The following DIXDC1 variants were observed in gnomAD, a reference collection of about 807,000 sequenced individuals.
The protein encoded by DIXDC1 is DIX domain containing 1.
DIXDC1 carries 64 observed loss-of-function variants against 103.1 expected under a neutral mutation model. The observed-to-expected ratio is 0.62, with a 90% CI of 0.51 to 0.76. DIXDC1 has a LOEUF of 0.76. DIXDC1 is among the 30% of genes least tolerant of loss of function. The probability of loss-of-function intolerance (pLI) is 0.00; values close to 1 mark genes in which losing one functional copy is unlikely to be tolerated. For missense variants in DIXDC1, 759 were observed against 834.2 expected, an observed-to-expected ratio of 0.91 and a Z score of 1.11; for synonymous variants, 266 against 298.5, an observed-to-expected ratio of 0.89 and a Z score of 1.12.
chr11:111,945,826 T>A (rs1318243800), intron 1 of DIXDC1: 2 of 152,396 alleles, frequency 1.3e-5, no homozygotes, highest in Non-Finnish European at 2.9e-5. Flanking sequence ...TGGAGTGCAG[T>A]GGCACGATCT....
At chr11:111,959,502 C>A (rs587768536) in intron 1 of DIXDC1, among the ~76,000 whole-genome samples, 1 of 152,174 alleles carries the variant, frequency 6.6e-6, no homozygotes, top group Non-Finnish European at 1.5e-5. Context: ...GTGGCTGGAC[C>A]CCATGTTCAC....
At chr11:111,974,334 G>A in intron 4 of DIXDC1, 80 bp downstream of exon 4, 1 of 1,367,630 alleles carries the variant, frequency 7.3e-7, no homozygotes, top group South Asian at 1.4e-5. Flanking sequence ...GCAGTAGATA[G>A]AAACGTCACC....
chr11:112,018,781 G>A (rs1555178068), intron 19 of DIXDC1, among the ~76,000 whole-genome samples, 175 bp from the exon 20 acceptor site: 1 of 152,100 alleles, frequency 6.6e-6, no homozygotes, highest in Non-Finnish European at 1.5e-5. Context: ...CATAGATGTG[G>A]ATCTAAGAAA....
intron 16 of DIXDC1, 89 bp from the exon 17 acceptor site, chr11:111,995,991 A>G: frequency 9.0e-7 from 1 of 1,114,224 alleles, no homozygotes; most frequent in Non-Finnish European, 1.3e-6. Flanking sequence ...AAAAGTATGT[A>G]GTATTTTAAG....
At chr11:111,962,371 A>C (rs1859608945) in intron 1 of DIXDC1, among the ~76,000 whole-genome samples, 1 of 152,080 alleles carries the variant, frequency 6.6e-6, no homozygotes, top group African/African-American at 2.4e-5. Flanking sequence ...AGTCCCAGCT[A>C]CTTGGGAGGC....
In DIXDC1 at chr11:112,020,063, T is replaced by C. The variant is rs1218317862; in HGVS notation, c.*1027T>C. On this transcript the variant is annotated 3_prime_UTR_variant, in exon 20 of 20. Transcript: ENST00000440460. Reference sequence around the variant, plus strand: ...TATGTATTAGTCTAGGCTGATCTTTTAGGGCACAATAGAAACCATGGGGCG... The same window carrying C: ...TATGTATTAGTCTAGGCTGATCTTTCAGGGCACAATAGAAACCATGGGGCG... 1.3e-5 allele frequency: 2 copies of C among 152,182 alleles called. No individual in the cohort carries two copies. Among genetic ancestry groups the C allele is most frequent in the African/African-American group, 4.8e-5 (2 of 41,440 alleles). 9.4% of individuals were successfully genotyped at this position (152,182 alleles called of 1,614,324 possible).
rs940794400 is a variant in DIXDC1, at chr11:111,998,222, C to T, written c.1756+2076C>T. 2.6e-5 allele frequency among the ~76,000 whole-genome samples: 4 copies of T among 152,220 alleles called. No individual in the cohort carries two copies. Among genetic ancestry groups the T allele is most frequent in the African/African-American group, 9.7e-5 (4 of 41,436 alleles). On this transcript the variant is annotated intron_variant, in intron 17 of 19. Coordinates refer to ENST00000440460, the MANE Select transcript of DIXDC1 (RefSeq NM_001037954.4). The surrounding 1 kb of genome is among the most constrained non-coding windows in gnomAD (Gnocchi z 4.1). ...ATATTCATTTAACATATTTACTAAG[C>T]ATCCATTATTCACCATCAATGTTAG... is the stretch of plus-strand genomic sequence containing the variant.
intron 16 of DIXDC1, 134 bp from the exon 17 acceptor site, chr11:111,995,946 A>T: frequency 1.3e-6 from 1 of 791,306 alleles, no homozygotes; most frequent in South Asian, 1.6e-5. Context: ...TAGGATAAAT[A>T]TATTAGATTT....
intron 1 of DIXDC1, chr11:111,929,725 G>T: frequency 1.4e-6 from 1 of 703,918 alleles, no homozygotes; most frequent in Non-Finnish European, 2.3e-6. Flanking sequence ...GTAGGTTTTG[G>T]GGAGGGGTCT....
At chr11:111,934,178 A>C (rs587677944), upstream of DIXDC1, among the ~76,000 whole-genome samples, 476 of 152,246 alleles carry the variant, frequency 3.1e-3, no homozygotes, top group African/African-American at 0.01. Flanking sequence ...CTCTTTCTTT[A>C]TATGTAAAAA....
At chr11:111,994,865 A>G (rs1860836721) in intron 14 of DIXDC1, among the ~76,000 whole-genome samples, 154 bp from the exon 15 acceptor site, 2 of 152,196 alleles carry the variant, frequency 1.3e-5, no homozygotes, top group Non-Finnish European at 2.9e-5. Flanking sequence ...AAAAAAATCT[A>G]TACTTAAGAA....
At chr11:111,986,765 C>T (rs191596801) in intron 8 of DIXDC1, 106 bp from the exon 9 acceptor site, 5 of 900,698 alleles carry the variant, frequency 5.6e-6, no homozygotes, top group African/African-American at 5.0e-5. Context: ...TTTGTATCCA[C>T]AGTACAGAGC....
chr11:111,928,678 G>C (rs920438001), intron 1 of DIXDC1, among the ~76,000 whole-genome samples: 2 of 152,114 alleles, frequency 1.3e-5, no homozygotes, highest in East Asian at 3.9e-4. Context: ...CAGGAGAATC[G>C]CTTGAACCCG....
At chr11:111,969,641 A>G (rs1555171888) in intron 3 of DIXDC1, among the ~76,000 whole-genome samples, 1 of 152,106 alleles carries the variant, frequency 6.6e-6, no homozygotes, top group Non-Finnish European at 1.5e-5. Context: ...TTTCTCGAGA[A>G]CTGACTATAG....
rs138811135 is a variant in DIXDC1, at chr11:111,951,975, C to G, written c.61-12574C>G. 3.1e-3 allele frequency among the ~76,000 whole-genome samples: 465 copies of G among 151,538 alleles called. 3 individuals are homozygous for G. Among genetic ancestry groups the G allele is most frequent in the African/African-American group, 0.01 (420 of 41,280 alleles). Reference sequence around the variant, plus strand: ...CCACCTCCTAGGTTCAAGCGGTTCTCCTACCTCAGCCTCCTGAGAAGATGG... The same window carrying G: ...CCACCTCCTAGGTTCAAGCGGTTCTGCTACCTCAGCCTCCTGAGAAGATGG... On this transcript the variant is annotated intron_variant, in intron 1 of 19. Coordinates refer to ENST00000440460, the MANE Select transcript of DIXDC1 (RefSeq NM_001037954.4).
upstream of DIXDC1, among the ~76,000 whole-genome samples, chr11:111,934,746 C>CA (rs879999832): frequency 1.2e-3 from 171 of 140,068 alleles, 1 homozygote; most frequent in Middle Eastern, 3.7e-3. Flanking sequence ...CTCTTCTGAG[C>CA]AAAAAAAAAA....
chr11:111,980,627 G>A (rs587694651), intron 5 of DIXDC1, 110 bp from the exon 6 acceptor site: 4 of 750,950 alleles, frequency 5.3e-6, no homozygotes, highest in East Asian at 2.7e-5. Flanking sequence ...TACCCATGGA[G>A]GAGTAAGATG....
At chr11:111,972,804 T>C (rs979384085) in intron 3 of DIXDC1, among the ~76,000 whole-genome samples, 1 of 152,162 alleles carries the variant, frequency 6.6e-6, no homozygotes, top group African/African-American at 2.4e-5. Context: ...CCCAGCACTT[T>C]GGGAGGCTAG....
intron 1 of DIXDC1, chr11:111,929,683 C>G (rs1965951123): frequency 1.9e-6 from 1 of 530,094 alleles, no homozygotes; most frequent in Non-Finnish European, 3.3e-6. Flanking sequence ...AACTAGGGTC[C>G]TATTTCTGAT....
Sources: allele counts gnomAD v4.1 joint callset (sites outside exome capture counted in the v4.1 genomes callset), GRCh38; gene constraint gnomAD v4.1.1; non-coding constraint Gnocchi (gnomAD v3.1); transcripts MANE v1.5; gene names NCBI Gene and HGNC (gene_info 2026-07-23, HGNC 2026-07-21).